Variants in CFAP206 observed in about 807,000 individuals in gnomAD.
CFAP206 encodes the protein cilia- and flagella-associated protein 206.
A neutral mutation model predicts 65.4 loss-of-function variants in CFAP206; 53 were observed. That is an observed-to-expected ratio of 0.81 (90% confidence interval 0.65 to 1.02). The LOEUF is 1.02. Ranked by LOEUF, CFAP206 falls within the 50% of genes least tolerant of loss-of-function variation. The probability of loss-of-function intolerance (pLI) is 0.00; values close to 1 mark genes in which losing one functional copy is unlikely to be tolerated. For synonymous variants in CFAP206, 250 were observed against 254.4 expected, an observed-to-expected ratio of 0.98 and a Z score of 0.17; for missense variants, 663 against 753.2, an observed-to-expected ratio of 0.88 and a Z score of 1.40.
chr6:87,454,384 G>C (rs1768599919), intron 11 of CFAP206, among the ~76,000 whole-genome samples: 1 of 152,106 alleles, frequency 6.6e-6, no homozygotes, highest in Non-Finnish European at 1.5e-5. Flanking sequence ...AGGCCAAATT[G>C]ACCAAATACT....
rs533487331 is a variant in CFAP206, at chr6:87,440,531, T to C, written c.1494+5478T>C. On this transcript the variant is annotated intron_variant, in intron 11 of 12. Transcript: ENST00000369562. ...GAGCGAGGGCATCATGGTGAAGAAA[T>C]AAATCAGAGGACTGCAAATGCAGGG... 1.2e-4 allele frequency among the ~76,000 whole-genome samples: 18 copies of C among 152,220 alleles called. No individual in the cohort carries two copies. The East Asian group carries it at 3.1e-3, about 26-fold the overall frequency.
intron 8 of CFAP206, 113 bp downstream of exon 8, chr6:87,426,758 A>C: frequency 1.1e-6 from 1 of 872,312 alleles, no homozygotes; most frequent in Non-Finnish European, 1.6e-6. Context: ...AATGTTTTGT[A>C]TAAATTGATC....
Position 87,416,826 on chromosome 6 carries a change from T to C in CFAP206, c.630T>C (p.Asp210=), listed in dbSNP as rs773069884. 3 of 1,612,510 alleles carry C rather than the reference T, an allele frequency of 1.9e-6. No individual in the cohort carries two copies. In the Admixed American group the frequency reaches 5.0e-5, roughly 27 times the overall value. ...GAAAAGGAGGAGAAGGCATTGATGA[T>C]TGTAGGTATATCATTAGATTAATTC... ...DCGKGGEGID[D]LPAVLHVAIP... The change falls in exon 6 of 13, where the codon GAT becomes GAC. Residue 210 remains aspartate, a splice_region_variant and synonymous_variant. Transcript: ENST00000369562.
At chr6:87,429,901 C>T (rs776171902) in intron 9 of CFAP206, among the ~76,000 whole-genome samples, 2 of 152,076 alleles carry the variant, frequency 1.3e-5, no homozygotes, top group Non-Finnish European at 2.9e-5. Context: ...TTTTTTATTG[C>T]TCATTTCATT....
At chr6:87,438,650 G>A (rs1192233992) in intron 11 of CFAP206, among the ~76,000 whole-genome samples, 5 of 151,928 alleles carry the variant, frequency 3.3e-5, no homozygotes, top group African/African-American at 9.6e-5. Flanking sequence ...CTTCATGGCC[G>A]ATTTGCCACA....
intron 11 of CFAP206, among the ~76,000 whole-genome samples, chr6:87,452,322 A>G (rs1768561436): frequency 6.6e-6 from 1 of 152,214 alleles, no homozygotes. Flanking sequence ...CACAACACTC[A>G]ATTCCCTTTG....
intron 11 of CFAP206, chr6:87,436,790 T>A (rs1338305380): frequency 6.6e-6 from 1 of 152,204 alleles, no homozygotes; most frequent in African/African-American, 2.4e-5. Context: ...AGTGCCTTTC[T>A]GTATGTGAGC....
At chr6:87,431,939 T>C (rs1768166600) in intron 10 of CFAP206, among the ~76,000 whole-genome samples, 1 of 152,188 alleles carries the variant, frequency 6.6e-6, no homozygotes, top group South Asian at 2.1e-4. Flanking sequence ...AGGAAATGGC[T>C]AATATCAAGT....
At position 87,408,006 on chromosome 6, in the gene CFAP206, AGCGCCCAACTGCTCCGACCGTC is replaced by A; in HGVS notation, c.-85_-64del. 1.0e-6 allele frequency: 1 copy of A among 985,388 alleles called. No individual in the cohort carries two copies. The highest frequency in any genetic ancestry group is 1.2e-6 in the Non-Finnish European group (1 of 830,078). The allele number at this position is 985,388 out of a possible 1,614,324, so 61.0% of individuals were successfully genotyped here. A position where few individuals can be genotyped will look rare whatever the true frequency, so the allele number is the denominator to read the frequency against. ...CCATGGTTACGCGGCGGTGGCTGCGAGCGCCCAACTGCTCCGACCGTCGCGGTGAGGGCCCCAGGACAGAAGC... is the reference window on the plus strand; with the variant it reads ...CCATGGTTACGCGGCGGTGGCTGCGAGCGGTGAGGGCCCCAGGACAGAAGC... On this transcript the variant is annotated 5_prime_UTR_variant, in exon 1 of 13. Coordinates refer to ENST00000369562, the MANE Select transcript of CFAP206 (RefSeq NM_001031743.3).
Position 87,416,659 on chromosome 6 carries a change from T to C in CFAP206, c.473-10T>C. On this transcript the variant is annotated splice_polypyrimidine_tract_variant and intron_variant, in intron 5 of 12. Coordinates refer to ENST00000369562, the MANE Select transcript of CFAP206 (RefSeq NM_001031743.3). ...TTGTTTTCCTTTTTTTTTTTTCTGG[T>C]TTATTTTAGCTGCTCTACAGAGTGT... 1 of 1,546,096 alleles carries C rather than the reference T, an allele frequency of 6.5e-7. No individual in the cohort carries two copies. The highest frequency in any genetic ancestry group is 8.7e-7 in the Non-Finnish European group (1 of 1,147,922).
At chr6:87,444,720 G>T in intron 11 of CFAP206, 3 of 360,992 alleles carry the variant, frequency 8.3e-6, no homozygotes, top group African/African-American at 2.2e-5. Context: ...TTTTTTCTTT[G>T]ATCGCTCACT....
At chr6:87,408,226 C>T in intron 1 of CFAP206, 137 bp downstream of exon 1, 2 of 244,574 alleles carry the variant, frequency 8.2e-6, no homozygotes, top group Non-Finnish European at 1.3e-5. Context: ...AGTCTCGATC[C>T]TTTAGGCTGC....
rs1768375985 is a variant in CFAP206 at position 87,442,512 on chromosome 6, A to G, written c.1494+7459A>G. Among the ~76,000 whole-genome samples the G allele has an allele frequency of 2.0e-5, 3 of 152,152 alleles. 1 individual carries two copies. The highest frequency in any genetic ancestry group is 6.8e-3 in the Middle Eastern group (2 of 294). On this transcript the variant is annotated intron_variant, in intron 11 of 12. Transcript: ENST00000369562. The stretch of plus-strand genomic sequence containing the variant: ...TTTTATCTTACTACATTGACAAGCA[A>G]CTCTAGTATAGTATCAAATAGAGGT...
intron 1 of CFAP206, among the ~76,000 whole-genome samples, chr6:87,409,528 T>TC (rs1767690611): frequency 1.4e-5 from 2 of 145,824 alleles, no homozygotes; most frequent in African/African-American, 5.2e-5. Flanking sequence ...AGCCTTTTTT[T>TC]TTTTTTTTAA....
chr6:87,461,803 C>A (rs1401636620), intron 12 of CFAP206, among the ~76,000 whole-genome samples: 1 of 152,110 alleles, frequency 6.6e-6, no homozygotes, highest in Non-Finnish European at 1.5e-5. Flanking sequence ...AATGCCTACC[C>A]AAATGAGAAC....
At chr6:87,463,697 T>G (rs1302918551) in intron 12 of CFAP206, among the ~76,000 whole-genome samples, 1 of 152,186 alleles carries the variant, frequency 6.6e-6, no homozygotes, top group Non-Finnish European at 1.5e-5. Context: ...AAAATCCAAG[T>G]TATATGAATC....
intron 7 of CFAP206, among the ~76,000 whole-genome samples, chr6:87,423,272 G>A (rs1471133326): frequency 4.3e-5 from 6 of 140,612 alleles, no homozygotes; most frequent in African/African-American, 7.9e-5. Flanking sequence ...TTTTTGAGAC[G>A]GAGTCTCGCT....
rs528397973 is a variant in CFAP206, at chr6:87,445,427, G to C, written c.1494+10374G>C. 6.6e-4 allele frequency among the ~76,000 whole-genome samples: 100 copies of C among 152,032 alleles called. 1 individual carries two copies. The highest frequency in any genetic ancestry group is 2.4e-3 in the African/African-American group (99 of 41,472). ...TGTGTCCATGTTTTCTCATTGTTCA[G>C]CTCCCACTTATAAGTGAGAACACGT... On this transcript the variant is annotated intron_variant, in intron 11 of 12. Transcript: ENST00000369562.
chr6:87,432,641 C>T (rs146285559), intron 10 of CFAP206, among the ~76,000 whole-genome samples: 1 of 152,148 alleles, frequency 6.6e-6, no homozygotes, highest in African/African-American at 2.4e-5. Context: ...TTTATGAAAT[C>T]TCACACCTTC....
Sources: allele counts gnomAD v4.1 joint callset (sites outside exome capture counted in the v4.1 genomes callset), GRCh38; gene constraint gnomAD v4.1.1; transcripts MANE v1.5; gene names NCBI Gene and HGNC (gene_info 2026-07-23, HGNC 2026-07-21).